DOCK8: variants seen among roughly 807,000 people sequenced by gnomAD.
The protein encoded by DOCK8 is dedicator of cytokinesis protein 8.
A neutral mutation model predicts 245.6 loss-of-function variants in DOCK8; 141 were observed. That is an observed-to-expected ratio of 0.57 (90% confidence interval 0.50 to 0.66). The LOEUF is 0.66. DOCK8 is among the 30% of genes least tolerant of loss of function. The pLI is 0.00. For synonymous variants in DOCK8, 1,168 were observed against 970.2 expected (o/e 1.20, Z -3.79); for missense variants, 2,965 against 2,603.4 (o/e 1.14, Z -3.02).
intron 14 of DOCK8, chr9:366,520 T>G (rs1385001820): frequency 6.6e-6 from 1 of 152,242 alleles, no homozygotes; most frequent in Non-Finnish European, 1.5e-5. Flanking sequence ...CTAACTTTTC[T>G]TTCCTTGATG....
chr9:369,335 A>G (rs1486912218), intron 15 of DOCK8: 3 of 152,276 alleles, frequency 2.0e-5, no homozygotes, highest in Non-Finnish European at 4.4e-5. Flanking sequence ...CAAGATGCCC[A>G]GCCAAGAGTG....
Position 464,807 on chromosome 9 carries a change from G to A in DOCK8, c.*588G>A, listed in dbSNP as rs768162747. On this transcript the variant is annotated 3_prime_UTR_variant, in exon 48 of 48. Transcript: ENST00000432829. ...TTTTGGTAATGGTGGACTAATTGCT[G>A]TATAGTTATTTTTGTTTTATTATTA... The A allele has an allele frequency of 6.3e-6, 1 of 159,950 alleles. No individual in the cohort carries two copies. Among genetic ancestry groups the A allele is most frequent in the Non-Finnish European group, 1.4e-5 (1 of 72,192 alleles). The allele number at this position is 159,950 out of a possible 1,614,324, so 9.9% of individuals were successfully genotyped here. A position where few individuals can be genotyped will look rare whatever the true frequency, so the allele number is the denominator to read the frequency against.
chr9:435,818 A>G (rs1050812319), intron 39 of DOCK8, among the ~76,000 whole-genome samples: 7 of 152,210 alleles, frequency 4.6e-5, no homozygotes. Flanking sequence ...GAGAGAAAAT[A>G]AAAAAGCACA....
chr9:376,964 T>G lies in DOCK8; in HGVS notation c.2206-13T>G. On this transcript the variant is annotated splice_polypyrimidine_tract_variant and intron_variant, in intron 19 of 47. Coordinates refer to ENST00000432829, the MANE Select transcript of DOCK8 (RefSeq NM_203447.4). Reference sequence around the variant, plus strand: ...GTATAAAACCCCATGAGGCCTGCCTTCTCCCTTCGCAGGACAACCACCTGG... The same window carrying G: ...GTATAAAACCCCATGAGGCCTGCCTGCTCCCTTCGCAGGACAACCACCTGG... 6.2e-7 allele frequency: 1 copy of G among 1,611,980 alleles called. No homozygotes were observed. The highest frequency in any genetic ancestry group is 8.5e-7 in the Non-Finnish European group (1 of 1,178,846).
chr9:371,287 C>T (rs2053274404), intron 16 of DOCK8, 141 bp from the exon 17 acceptor site: 3 of 933,174 alleles, frequency 3.2e-6, no homozygotes, highest in South Asian at 2.9e-5. Flanking sequence ...CAGGGACTTC[C>T]AGCTTCAGAG....
intron 1 of DOCK8, among the ~76,000 whole-genome samples, chr9:216,514 G>A: frequency 8.8e-6 from 1 of 114,072 alleles, no homozygotes; most frequent in African/African-American, 3.5e-5. Context: ...GTGAGAGAGT[G>A]AAACCTTGTC....
intron 35 of DOCK8, 116 bp downstream of exon 35, chr9:428,612 G>T: frequency 7.6e-7 from 1 of 1,315,546 alleles, no homozygotes; most frequent in African/African-American, 1.5e-5. Flanking sequence ...TGGCATCACA[G>T]TAAAGGTCTT....
In DOCK8 at chr9:255,666, TCCAA is replaced by T. The variant is rs1344230181; in HGVS notation, c.54-15960_54-15957del. Among the ~76,000 whole-genome samples, 21 of 104,628 alleles carry T rather than the reference TCCAA, an allele frequency of 2.0e-4. 1 individual carries two copies. The highest frequency in any genetic ancestry group is 2.0e-4 in the African/African-American group (5 of 25,596). 68.6% of individuals were successfully genotyped at this position (104,628 alleles called of 152,430 possible). A position where few individuals can be genotyped will look rare whatever the true frequency, so the allele number is the denominator to read the frequency against. The stretch of plus-strand genomic sequence containing the variant: ...CTGGGGGATAGAGCAAGACTCCATC[TCCAA>T]AAAAAAAAAAAAAAAAAAAAAAACA... On this transcript the variant is annotated intron_variant, in intron 1 of 47. Coordinates refer to ENST00000432829, the MANE Select transcript of DOCK8 (RefSeq NM_203447.4).
rs2130747664 is a variant in DOCK8, at chr9:317,136, T to C, written c.827+8T>C. On this transcript the variant is annotated splice_region_variant and intron_variant, in intron 7 of 47. Coordinates refer to ENST00000432829, the MANE Select transcript of DOCK8 (RefSeq NM_203447.4). ...CAAGTTGCTGACCTTGAAGTAAGTA[T>C]CAACAAACACACTGCCACCGCTTTG... is the stretch of plus-strand genomic sequence containing the variant. The C allele has an allele frequency of 6.3e-7, 1 of 1,599,898 alleles. No individual in the cohort carries two copies. The highest frequency in any genetic ancestry group is 8.6e-7 in the Non-Finnish European group (1 of 1,167,078).
chr9:290,574 G>T (rs1030251425), intron 4 of DOCK8, among the ~76,000 whole-genome samples: 1 of 152,172 alleles, frequency 6.6e-6, no homozygotes, highest in Non-Finnish European at 1.5e-5. Flanking sequence ...CTGTGACATT[G>T]TTCTGAGCTT....
At chr9:304,838 A>C in intron 5 of DOCK8, 134 bp downstream of exon 5, 1 of 1,271,454 alleles carries the variant, frequency 7.9e-7, no homozygotes, top group South Asian at 1.3e-5. Context: ...CATCTGAGTC[A>C]GTGATTTTTT....
chr9:365,858 A>G, intron 14 of DOCK8: 1 of 338,506 alleles, frequency 3.0e-6, no homozygotes, highest in Non-Finnish European at 5.8e-6. Context: ...CCCCACACAC[A>G]TCCCTGCACC....
At chr9:403,906 A>C (rs1181377400) in intron 26 of DOCK8, among the ~76,000 whole-genome samples, 1,533 of 88,834 alleles carry the variant, frequency 0.017, 12 homozygotes, top group Admixed American at 0.021. Context: ...ATATATATAT[A>C]TATATATATA....
At chr9:338,824 A>G (rs1402570486) in intron 12 of DOCK8, among the ~76,000 whole-genome samples, 182 bp from the exon 13 acceptor site, 2 of 152,190 alleles carry the variant, frequency 1.3e-5, no homozygotes, top group African/African-American at 4.8e-5. Flanking sequence ...AGTGAGTCAC[A>G]GTGATTGAGA....
chr9:420,218 C>T lies in DOCK8; in HGVS notation c.3841-183C>T, dbSNP rs766868693. The T allele has an allele frequency of 1.1e-4, 74 of 698,236 alleles. 1 individual carries two copies. In the Middle Eastern group the frequency reaches 4.2e-3, roughly 40 times the overall value. 43.3% of individuals were successfully genotyped at this position (698,236 alleles called of 1,614,324 possible). Reference sequence around the variant, plus strand: ...GCTGAGTAGCGCTACTCAAAGAACACAGCTTCCCCTGCCTAGGGAAGGCAG... The same window carrying T: ...GCTGAGTAGCGCTACTCAAAGAACATAGCTTCCCCTGCCTAGGGAAGGCAG... On this transcript the variant is annotated intron_variant, in intron 30 of 47. Transcript: ENST00000432829.
chr9:323,225 T>C (rs1315400615), intron 7 of DOCK8, among the ~76,000 whole-genome samples: 1 of 136,726 alleles, frequency 7.3e-6, no homozygotes, highest in Non-Finnish European at 1.6e-5. Context: ...CATCTTTTTT[T>C]TTTTTTTTTT....
At chr9:256,671 T>C (rs774562085) in intron 1 of DOCK8, among the ~76,000 whole-genome samples, 16 of 152,122 alleles carry the variant, frequency 1.1e-4, no homozygotes, top group Admixed American at 2.0e-4. Flanking sequence ...AGAGGCACCA[T>C]ATATTTTTCT....
chr9:311,190 C>T (rs549443028), intron 5 of DOCK8, among the ~76,000 whole-genome samples: 3 of 151,782 alleles, frequency 2.0e-5, no homozygotes, highest in East Asian at 1.9e-4. Flanking sequence ...GAGGCCGACG[C>T]AGGAGAATTG....
chr9:303,007 G>T (rs1330613078), intron 4 of DOCK8, among the ~76,000 whole-genome samples: 1 of 151,450 alleles, frequency 6.6e-6, no homozygotes, highest in African/African-American at 2.4e-5. Flanking sequence ...AAAAGAAAAA[G>T]AAAATTAACT....
Sources: allele counts gnomAD v4.1 joint callset (sites outside exome capture counted in the v4.1 genomes callset), GRCh38; gene constraint gnomAD v4.1.1; transcripts MANE v1.5; gene names NCBI Gene and HGNC (gene_info 2026-07-23, HGNC 2026-07-21).